KCNQ1: variants seen among roughly 807,000 people sequenced by gnomAD.
The protein encoded by KCNQ1 is potassium voltage-gated channel subfamily KQT member 1.
KCNQ1 carries 49 observed loss-of-function variants against 72.4 expected under a neutral mutation model. The observed-to-expected ratio is 0.68, with a 90% CI of 0.54 to 0.86. The LOEUF (loss-of-function observed/expected upper bound fraction) is 0.86, where lower values mean the gene tolerates loss of function less well. Ranked by LOEUF, KCNQ1 falls within the 40% of genes least tolerant of loss-of-function variation. The pLI is 0.00. For synonymous variants in KCNQ1, 450 were observed against 412.6 expected, an observed-to-expected ratio of 1.09 and a Z score of -1.10; for missense variants, 790 against 945.1, an observed-to-expected ratio of 0.84 and a Z score of 2.15.
At chr11:2,747,533 G>C (rs1002509721) in intron 11 of KCNQ1, among the ~76,000 whole-genome samples, 2 of 152,206 alleles carry the variant, frequency 1.3e-5, no homozygotes. Context: ...TTGTTCACTA[G>C]GCATCCACCG....
rs1849207218 is a variant in KCNQ1 at position 2,623,432 on chromosome 11, T to G, written c.1393+34578T>G. 2 of 398,638 alleles carry G rather than the reference T, an allele frequency of 5.0e-6. No homozygotes were observed. The highest frequency in any genetic ancestry group is 8.8e-5 in the Admixed American group (2 of 22,730). The allele number at this position is 398,638 out of a possible 1,614,324, so 24.7% of individuals were successfully genotyped here. On this transcript the variant is annotated intron_variant, in intron 10 of 15. Coordinates refer to ENST00000155840, the MANE Select transcript of KCNQ1 (RefSeq NM_000218.3). This position sits in a 1 kb window ranked among gnomAD's most constrained non-coding sequence, Gnocchi z 5.2. ...CTGTGCACTGCCTATTCAACCCTTC[T>G]TCCCCAACAACCCTTGGCAACCACT...
At chr11:2,531,629 C>CTG (rs994169171) in intron 2 of KCNQ1, among the ~76,000 whole-genome samples, 1 of 152,194 alleles carries the variant, frequency 6.6e-6, no homozygotes, top group Non-Finnish European at 1.5e-5. Context: ...TTTCACTGCC[C>CTG]TGCAGCTCCC....
chr11:2,775,935 T>C, intron 12 of KCNQ1, 25 bp from the exon 13 acceptor site: 1 of 1,550,612 alleles, frequency 6.4e-7, no homozygotes, highest in African/African-American at 1.4e-5. Context: ...GGAGGAGAAG[T>C]GATGCGTGTC....
At chr11:2,708,583 G>A (rs1459818621) in intron 11 of KCNQ1, among the ~76,000 whole-genome samples, 1 of 152,132 alleles carries the variant, frequency 6.6e-6, no homozygotes, top group African/African-American at 2.4e-5. Context: ...AGGGTGGGCA[G>A]TGACCAGAAG....
rs918801911 is a variant in KCNQ1 at position 2,676,115 on chromosome 11, C to T, written c.1514+14034C>T. 10 of 398,506 alleles carry T rather than the reference C, an allele frequency of 2.5e-5. No individual in the cohort carries two copies. The highest frequency in any genetic ancestry group is 2.5e-4 in the East Asian group (7 of 28,094). The allele number at this position is 398,506 out of a possible 1,614,324, so 24.7% of individuals were successfully genotyped here. A position where few individuals can be genotyped will look rare whatever the true frequency, so the allele number is the denominator to read the frequency against. On this transcript the variant is annotated intron_variant, in intron 11 of 15. Transcript: ENST00000155840. This position sits in a 1 kb window ranked among gnomAD's most constrained non-coding sequence, Gnocchi z 4.2. ...TGTGTGTGCATGTACTTAGTAGATA[C>T]GGCTCCTTTTTATACAAATGGTAGC...
intron 11 of KCNQ1, among the ~76,000 whole-genome samples, chr11:2,702,697 G>A (rs1372313333): frequency 6.6e-6 from 1 of 152,094 alleles, no homozygotes; most frequent in Non-Finnish European, 1.5e-5. Flanking sequence ...ATTTTTCCCT[G>A]ACAAATTCCC....
At chr11:2,700,184 T>C (rs1237968259) in intron 11 of KCNQ1, among the ~76,000 whole-genome samples, 2 of 152,152 alleles carry the variant, frequency 1.3e-5, no homozygotes, top group Non-Finnish European at 2.9e-5. Flanking sequence ...CCACCCGGGC[T>C]CAGATTGGCC....
intron 1 of KCNQ1, among the ~76,000 whole-genome samples, chr11:2,489,035 G>T (rs1278577185): frequency 6.6e-6 from 1 of 151,970 alleles, no homozygotes; most frequent in African/African-American, 2.4e-5. Context: ...TCCCCAACAG[G>T]AACACCAAAT....
rs528377819 is a variant in KCNQ1, at chr11:2,787,749, C to T, written c.1794+9712C>T. ...TTTAGACACCGAGTTTTCATGAGAACGACTTGGTCTGTATTTAGATTTCAT... is the reference window on the plus strand; with the variant it reads ...TTTAGACACCGAGTTTTCATGAGAATGACTTGGTCTGTATTTAGATTTCAT... On this transcript the variant is annotated intron_variant, in intron 15 of 15. Coordinates refer to ENST00000155840, the MANE Select transcript of KCNQ1 (RefSeq NM_000218.3). The surrounding 1 kb of genome is among the most constrained non-coding windows in gnomAD (Gnocchi z 6.3). Among the ~76,000 whole-genome samples, 13 of 152,200 alleles carry T rather than the reference C, an allele frequency of 8.5e-5. 1 individual carries two copies. The highest frequency in any genetic ancestry group is 3.9e-4 in the East Asian group (2 of 5,188).
rs1846644756 is a variant in KCNQ1, at chr11:2,481,169, T to G, written c.386+35685T>G. ...AGTTCTCATCCAAAGCAGATGACAA[T>G]TCCAGTTACTCCTCACCAGACATAA... On this transcript the variant is annotated intron_variant, in intron 1 of 15. Transcript: ENST00000155840. This position sits in a 1 kb window ranked among gnomAD's most constrained non-coding sequence, Gnocchi z 4.6. Among the ~76,000 whole-genome samples, 1 of 152,232 alleles carries G rather than the reference T, an allele frequency of 6.6e-6. No individual in the cohort carries two copies. Among genetic ancestry groups the G allele is most frequent in the African/African-American group, 2.4e-5 (1 of 41,462 alleles).
intron 2 of KCNQ1, among the ~76,000 whole-genome samples, chr11:2,534,576 G>A (rs1220953852): frequency 2.0e-5 from 3 of 152,172 alleles, no homozygotes; most frequent in Non-Finnish European, 2.9e-5. Flanking sequence ...CACTTGCTTC[G>A]GGGGCAACTC....
At chr11:2,614,567 T>G (rs2106467) in intron 10 of KCNQ1, 255,579 of 398,208 alleles carry the variant, frequency 0.64, 83,349 homozygotes, top group East Asian at 0.86. Context: ...ATGCTATGAG[T>G]TATGGGTCCA....
At chr11:2,585,084 C>A in intron 7 of KCNQ1, 128 bp from the exon 8 acceptor site, 1 of 829,258 alleles carries the variant, frequency 1.2e-6, no homozygotes, top group South Asian at 1.4e-5. Flanking sequence ...CGAGGTGGGA[C>A]TTGGGGGGGC....
rs1250536514 is a variant in KCNQ1 at position 2,456,763 on chromosome 11, TCC to T, written c.386+11280_386+11281del. ...GGTGAAACCCTGTCTCTACTAAAAA[TCC>T]AAAAAAAAAAAAAAAAAAAAAAAAT... On this transcript the variant is annotated intron_variant, in intron 1 of 15. Coordinates refer to ENST00000155840, the MANE Select transcript of KCNQ1 (RefSeq NM_000218.3). 2.3e-3 allele frequency among the ~76,000 whole-genome samples: 126 copies of T among 54,646 alleles called. 8 individuals carry two copies. The highest frequency in any genetic ancestry group is 5.8e-3 in the African/African-American group (102 of 17,562). The allele number at this position is 54,646 out of a possible 152,430, so 35.8% of individuals were successfully genotyped here.
chr11:2,501,718 C>CAAAAAAAAAAAAA lies in KCNQ1; in HGVS notation c.387-26193_387-26181dup, dbSNP rs55865890. ...TTACCAAAACCAGACAAAGATACATCAAAAAAAAAAAAAAAAAAAAAAAAA... is the reference window on the plus strand; with the variant it reads ...TTACCAAAACCAGACAAAGATACATCAAAAAAAAAAAAAAAAAAAAAAAAAAAAAAAAAAAAAA... On this transcript the variant is annotated intron_variant, in intron 1 of 15. Transcript: ENST00000155840. 2.5e-4 allele frequency among the ~76,000 whole-genome samples: 17 copies of CAAAAAAAAAAAAA among 68,906 alleles called. 1 individual carries two copies. The highest frequency in any genetic ancestry group is 7.6e-4 in the South Asian group (1 of 1,320). 45.2% of individuals were successfully genotyped at this position (68,906 alleles called of 152,430 possible). A position where few individuals can be genotyped will look rare whatever the true frequency, so the allele number is the denominator to read the frequency against.
rs1237159617 is a variant in KCNQ1, at chr11:2,677,858, C to CTT, written c.1514+15779_1514+15780dup. ...AATAAGGGCTGTACCATTTACATCACTTTGACTGCACAAATGCACTTTCTT... is the reference window on the plus strand; with the variant it reads ...AATAAGGGCTGTACCATTTACATCACTTTTTGACTGCACAAATGCACTTTCTT... On this transcript the variant is annotated intron_variant, in intron 11 of 15. Transcript: ENST00000155840. The surrounding 1 kb of genome is among the most constrained non-coding windows in gnomAD (Gnocchi z 4.5). The CTT allele has an allele frequency of 1.0e-5, 4 of 398,364 alleles. No homozygotes were observed. The highest frequency in any genetic ancestry group is 8.2e-5 in the African/African-American group (4 of 48,606). 24.7% of individuals were successfully genotyped at this position (398,364 alleles called of 1,614,324 possible).
In KCNQ1 at chr11:2,720,650, C is replaced by T. The variant is rs1469381554; in HGVS notation, c.1515-48194C>T. On this transcript the variant is annotated intron_variant, in intron 11 of 15. Transcript: ENST00000155840. This position sits in a 1 kb window ranked among gnomAD's most constrained non-coding sequence, Gnocchi z 5.1. ...GTGTCAAGGCTGAAGAGGGGAGCCT[C>T]CTTGGCCACTGAAACGGAAACAGCA... is the stretch of plus-strand genomic sequence containing the variant. Among the ~76,000 whole-genome samples the T allele has an allele frequency of 1.3e-5, 2 of 152,162 alleles. No homozygotes were observed. Among genetic ancestry groups the T allele is most frequent in the Non-Finnish European group, 2.9e-5 (2 of 68,036 alleles).
chr11:2,712,991 A>G lies in KCNQ1; in HGVS notation c.1514+50910A>G, dbSNP rs766719663. Among the ~76,000 whole-genome samples, 19 of 152,118 alleles carry G rather than the reference A, an allele frequency of 1.2e-4. No homozygotes were observed. Among genetic ancestry groups the G allele is most frequent in the Non-Finnish European group, 2.1e-4 (14 of 68,010 alleles). ...GCAGGGGTCCTGGTAAGTATGAGGA[A>G]CCAGAGACCTGGTAAGTATGAGGAA... On this transcript the variant is annotated intron_variant, in intron 11 of 15. Coordinates refer to ENST00000155840, the MANE Select transcript of KCNQ1 (RefSeq NM_000218.3). The surrounding 1 kb of genome is among the most constrained non-coding windows in gnomAD (Gnocchi z 6.4).
At chr11:2,836,872 T>G (rs1237190227) in intron 15 of KCNQ1, among the ~76,000 whole-genome samples, 2 of 152,114 alleles carry the variant, frequency 1.3e-5, no homozygotes, top group Non-Finnish European at 2.9e-5. Context: ...ATGGGGCAGG[T>G]GAAATGGAGA....
Sources: gnomAD v4.1 joint callset for allele counts (sites outside exome capture counted in the v4.1 genomes callset) on GRCh38, gnomAD v4.1.1 for gene constraint, Gnocchi (gnomAD v3.1) non-coding constraint, MANE v1.5 for transcripts, NCBI Gene and HGNC (gene_info 2026-07-23, HGNC 2026-07-21) for gene names.